SOS1: variants seen among roughly 807,000 people sequenced by gnomAD.
SOS1 encodes son of sevenless homolog 1.
A neutral mutation model predicts 157.6 loss-of-function variants in SOS1; 25 were observed. That is an observed-to-expected ratio of 0.16 (90% confidence interval 0.12 to 0.22). SOS1 has a LOEUF of 0.22. SOS1 is among the 10% of genes least tolerant of loss of function. The pLI, the probability that SOS1 is intolerant of heterozygous loss-of-function variation, is 1.00. For synonymous variants in SOS1, 528 were observed against 534.0 expected, an observed-to-expected ratio of 0.99 and a Z score of 0.16; for missense variants, 1,237 against 1,599.1, an observed-to-expected ratio of 0.77 and a Z score of 3.86.
intron 1 of SOS1, among the ~76,000 whole-genome samples, chr2:39,070,320 G>C (rs528002112): frequency 1.3e-5 from 2 of 152,220 alleles, no homozygotes; most frequent in African/African-American, 4.8e-5. Context: ...TTTCTATCTG[G>C]TTCTCAGTCA....
chr2:38,997,175 C>G, intron 18 of SOS1, 78 bp downstream of exon 18: 1 of 1,235,162 alleles, frequency 8.1e-7, no homozygotes, highest in Non-Finnish European at 1.2e-6. Flanking sequence ...TTTTTCTCCC[C>G]TATAAAATAA....
At chr2:39,084,417 G>C (rs1672304372) in intron 1 of SOS1, among the ~76,000 whole-genome samples, 1 of 152,012 alleles carries the variant, frequency 6.6e-6, no homozygotes, top group African/African-American at 2.4e-5. Context: ...TTATACACGA[G>C]CAGGACAGCA....
rs1454945510 is a variant in SOS1 at position 39,067,608 on chromosome 2, C to A, written c.213+20G>T. On this transcript the variant is annotated intron_variant, in intron 2 of 22. Coordinates refer to ENST00000402219, the MANE Select transcript of SOS1 (RefSeq NM_005633.4). The stretch of plus-strand genomic sequence containing the variant: ...ACACAAATTAGATATAAAGTAAATA[C>A]AAGACAACATTTGTCATACCTCTAC... The A allele has an allele frequency of 6.2e-7, 1 of 1,609,102 alleles. No homozygotes were observed. The highest frequency in any genetic ancestry group is 1.1e-5 in the South Asian group (1 of 91,002).
intron 1 of SOS1, among the ~76,000 whole-genome samples, chr2:39,107,294 G>T (rs1289919575): frequency 6.6e-6 from 1 of 152,024 alleles, no homozygotes; most frequent in African/African-American, 2.4e-5. Context: ...TGTTTGTGTC[G>T]AGGCCAGTTT....
At chr2:39,100,572 C>T (rs900075775) in intron 1 of SOS1, among the ~76,000 whole-genome samples, 1 of 152,154 alleles carries the variant, frequency 6.6e-6, no homozygotes, top group Non-Finnish European at 1.5e-5. Flanking sequence ...AAAGAAAATA[C>T]TGATGACATC....
chr2:39,033,221 G>GA (rs11383706), intron 8 of SOS1, among the ~76,000 whole-genome samples: 108,341 of 124,370 alleles, frequency 0.87, 47,350 homozygotes, highest in African/African-American at 0.93. Flanking sequence ...TAGGTGTGCA[G>GA]AAAAAAAAAA....
intron 2 of SOS1, among the ~76,000 whole-genome samples, chr2:39,059,187 G>C (rs972798037): frequency 2.0e-5 from 3 of 152,046 alleles, no homozygotes; most frequent in Non-Finnish European, 4.4e-5. Context: ...CTTACTTTCA[G>C]TGGTAATTAC....
At chr2:39,050,040 A>G (rs1469069399) in intron 6 of SOS1, among the ~76,000 whole-genome samples, 1 of 152,290 alleles carries the variant, frequency 6.6e-6, no homozygotes, top group Admixed American at 6.5e-5. Context: ...GTCTAGTTAT[A>G]TATATATTCC....
At chr2:39,051,502 G>T (rs1009176853) in intron 5 of SOS1, 6 of 516,484 alleles carry the variant, frequency 1.2e-5, no homozygotes, top group Non-Finnish European at 2.1e-5. Context: ...CAGTGGTCTT[G>T]TAACTTTCTG....
At chr2:39,080,610 G>A (rs2148168179) in intron 1 of SOS1, among the ~76,000 whole-genome samples, 1 of 152,236 alleles carries the variant, frequency 6.6e-6, no homozygotes, top group East Asian at 1.9e-4. Flanking sequence ...AACATAAACA[G>A]TATATCACTT....
intron 6 of SOS1, among the ~76,000 whole-genome samples, chr2:39,037,372 G>A (rs1198417599): frequency 1.3e-5 from 2 of 152,020 alleles, no homozygotes; most frequent in Non-Finnish European, 2.9e-5. Context: ...TCTATAAGTT[G>A]CCTTTTATAC....
chr2:39,101,295 C>T (rs975899868), intron 1 of SOS1, among the ~76,000 whole-genome samples: 10 of 152,124 alleles, frequency 6.6e-5, no homozygotes, highest in African/African-American at 2.4e-4. Context: ...GAGGGACCTG[C>T]CCCATGACCC....
intron 6 of SOS1, among the ~76,000 whole-genome samples, chr2:39,047,333 GTC>G (rs1572851974): frequency 6.6e-6 from 1 of 152,098 alleles, no homozygotes; most frequent in East Asian, 1.9e-4. Flanking sequence ...TCTTCAATAT[GTC>G]TTTCAGTCAA....
At chr2:39,046,021 T>A (rs941389978) in intron 6 of SOS1, among the ~76,000 whole-genome samples, 1 of 152,220 alleles carries the variant, frequency 6.6e-6, no homozygotes. Context: ...CTAAAGTGAA[T>A]TTTTAAAAAT....
chr2:39,070,650 A>C (rs1327468534), intron 1 of SOS1, among the ~76,000 whole-genome samples: 1 of 152,180 alleles, frequency 6.6e-6, no homozygotes, highest in African/African-American at 2.4e-5. Context: ...CAAACTTAAC[A>C]TGAAAAAAAG....
chr2:39,023,750 A>G (rs574891809), intron 9 of SOS1: 1 of 424,362 alleles, frequency 2.4e-6, no homozygotes, highest in Admixed American at 4.1e-5. Flanking sequence ...TACCCGATAC[A>G]TTTTACTCTG....
chr2:39,053,927 CT>C (rs754202189), intron 5 of SOS1, among the ~76,000 whole-genome samples: 219 of 145,374 alleles, frequency 1.5e-3, no homozygotes, highest in Middle Eastern at 7.1e-3. Context: ...GAAAGGAACT[CT>C]TTTTTTTTTT....
chr2:39,081,337 T>C (rs1572878267), intron 1 of SOS1, among the ~76,000 whole-genome samples: 1 of 151,804 alleles, frequency 6.6e-6, no homozygotes, highest in Non-Finnish European at 1.5e-5. Context: ...CTGGCCAACA[T>C]GGTGAAACCC....
intron 17 of SOS1, among the ~76,000 whole-genome samples, chr2:39,004,223 G>A (rs888248034): frequency 2.1e-4 from 32 of 152,004 alleles, no homozygotes; most frequent in Admixed American, 2.1e-3. Flanking sequence ...AGACCATCTT[G>A]GCTAACACGG....
Sources: allele counts gnomAD v4.1 joint callset (sites outside exome capture counted in the v4.1 genomes callset), GRCh38; gene constraint gnomAD v4.1.1; transcripts MANE v1.5; gene names NCBI Gene and HGNC (gene_info 2026-07-23, HGNC 2026-07-21).